The following FRMD4A variants were observed in gnomAD, a reference collection of about 807,000 sequenced individuals.
FRMD4A encodes FERM domain-containing protein 4A.
Under a neutral mutation model 129.1 loss-of-function variants are expected in FRMD4A, and 29 were observed. The observed-to-expected ratio is 0.22, with a 90% CI of 0.17 to 0.31. The LOEUF is 0.31. Ranked by LOEUF, FRMD4A falls within the 10% of genes least tolerant of loss-of-function variation. FRMD4A has a pLI of 1.00. For missense variants in FRMD4A, 1,272 were observed against 1,375.8 expected, an observed-to-expected ratio of 0.92 and a Z score of 1.19; for synonymous variants, 634 against 571.6, an observed-to-expected ratio of 1.11 and a Z score of -1.56.
intron 2 of FRMD4A, among the ~76,000 whole-genome samples, chr10:14,314,949 G>T (rs1564459139): frequency 6.7e-6 from 1 of 149,924 alleles, no homozygotes; most frequent in African/African-American, 2.4e-5. Context: ...CTTATATATA[G>T]TTTTTTTTTT....
chr10:14,020,034 C>A (rs1832667075), intron 2 of FRMD4A, among the ~76,000 whole-genome samples: 1 of 152,116 alleles, frequency 6.6e-6, no homozygotes, highest in Non-Finnish European at 1.5e-5. Context: ...TGCAGACAGA[C>A]AAAACGAAAC....
intron 3 of FRMD4A, among the ~76,000 whole-genome samples, chr10:13,854,400 C>G (rs2094184672): frequency 6.6e-6 from 1 of 152,058 alleles, no homozygotes; most frequent in Admixed American, 6.6e-5. Context: ...GGTGGCTCCT[C>G]TCATTTTGAT....
intron 23 of FRMD4A, 62 bp from the exon 24 acceptor site, chr10:13,652,036 A>G (rs1400730278): frequency 2.3e-6 from 2 of 856,834 alleles, no homozygotes; most frequent in Non-Finnish European, 4.1e-6. Context: ...AGACACTGAC[A>G]CAGACACAGA....
chr10:14,244,438 A>T (rs1844161432), intron 2 of FRMD4A, among the ~76,000 whole-genome samples: 1 of 152,236 alleles, frequency 6.6e-6, no homozygotes, highest in Admixed American at 6.5e-5. Flanking sequence ...CCAGCAATCT[A>T]TGCGGATTAC....
chr10:13,915,882 T>C (rs1439085074), intron 2 of FRMD4A, among the ~76,000 whole-genome samples: 1 of 151,810 alleles, frequency 6.6e-6, no homozygotes, highest in Non-Finnish European at 1.5e-5. Context: ...ACCTCTGAGG[T>C]CCCTTCTGGC....
chr10:13,785,607 A>C (rs2092834521), intron 5 of FRMD4A, among the ~76,000 whole-genome samples: 1 of 152,002 alleles, frequency 6.6e-6, no homozygotes, highest in African/African-American at 2.4e-5. Flanking sequence ...TATTTTTATA[A>C]TTTCTTTTTA....
At chr10:14,280,982 A>ATT (rs772555677) in intron 2 of FRMD4A, among the ~76,000 whole-genome samples, 9,602 of 76,554 alleles carry the variant, frequency 0.13, 2,308 homozygotes, top group African/African-American at 0.34. Context: ...ACTGGTTTCA[A>ATT]TTTTTTTTTT....
intron 12 of FRMD4A, among the ~76,000 whole-genome samples, chr10:13,720,088 G>A (rs774269669): frequency 7.9e-5 from 12 of 152,022 alleles, no homozygotes; most frequent in African/African-American, 1.7e-4. Context: ...TTGCTGTGTC[G>A]CCCAGGCTGT....
intron 15 of FRMD4A, among the ~76,000 whole-genome samples, chr10:13,687,797 C>T (rs554934818): frequency 1.3e-5 from 2 of 152,300 alleles, no homozygotes; most frequent in East Asian, 3.9e-4. Flanking sequence ...GCACTGAGCA[C>T]CTGCACAAAT....
intron 24 of FRMD4A, among the ~76,000 whole-genome samples, chr10:13,649,797 G>A (rs965453748): frequency 3.3e-5 from 5 of 152,180 alleles, no homozygotes; most frequent in African/African-American, 9.7e-5. Flanking sequence ...CATGTGCTAC[G>A]AAAGAGACCC....
At chr10:14,145,399 T>C (rs752790062) in intron 2 of FRMD4A, among the ~76,000 whole-genome samples, 6 of 152,196 alleles carry the variant, frequency 3.9e-5, no homozygotes, top group Non-Finnish European at 8.8e-5. Context: ...AGACTCAGTG[T>C]CTCAGAACCA....
intron 20 of FRMD4A, among the ~76,000 whole-genome samples, chr10:13,659,904 G>A (rs1043460122): frequency 1.3e-5 from 2 of 152,140 alleles, no homozygotes; most frequent in Non-Finnish European, 2.9e-5. Context: ...CCGGTAATGA[G>A]CTGATAATAC....
chr10:14,012,136 T>A (rs945944851), intron 2 of FRMD4A, among the ~76,000 whole-genome samples: 1 of 150,410 alleles, frequency 6.6e-6, no homozygotes, highest in Admixed American at 6.6e-5. Flanking sequence ...AATGGCCTAA[T>A]GGCTGCTGGA....
At chr10:14,103,497 C>A (rs980822697) in intron 2 of FRMD4A, among the ~76,000 whole-genome samples, 1 of 152,112 alleles carries the variant, frequency 6.6e-6, no homozygotes, top group Non-Finnish European at 1.5e-5. Flanking sequence ...CTGTTGACTA[C>A]AGAACTTCCA....
intron 2 of FRMD4A, among the ~76,000 whole-genome samples, chr10:14,178,975 G>T (rs1055896552): frequency 2.6e-5 from 4 of 152,110 alleles, no homozygotes; most frequent in Admixed American, 6.5e-5. Context: ...CTTGCCCTTT[G>T]AGCCACCCTT....
At chr10:13,975,261 ATGTGTC>A (rs1201110322) in intron 2 of FRMD4A, among the ~76,000 whole-genome samples, 2 of 141,624 alleles carry the variant, frequency 1.4e-5, no homozygotes, top group Non-Finnish European at 3.1e-5. Context: ...GCCTCTATGT[ATGTGTC>A]TGTGTCTGTG....
chr10:14,304,969 C>T (rs557335893), intron 2 of FRMD4A, among the ~76,000 whole-genome samples: 1 of 152,280 alleles, frequency 6.6e-6, no homozygotes, highest in African/African-American at 2.4e-5. Context: ...ATAAAGCTTC[C>T]CTTTTTTGTT....
intron 2 of FRMD4A, among the ~76,000 whole-genome samples, chr10:14,082,353 T>C (rs1239610581): frequency 1.3e-5 from 2 of 152,220 alleles, no homozygotes; most frequent in Non-Finnish European, 1.5e-5. Context: ...TAATTTCAGA[T>C]AGAACTACTA....
chr10:13,940,752 G>A (rs1438904128), intron 2 of FRMD4A, among the ~76,000 whole-genome samples: 1 of 152,198 alleles, frequency 6.6e-6, no homozygotes, highest in Non-Finnish European at 1.5e-5. Context: ...CATCTTGATA[G>A]AGCTTCCATT....
Sources: allele counts gnomAD v4.1 joint callset (sites outside exome capture counted in the v4.1 genomes callset), GRCh38; gene constraint gnomAD v4.1.1; transcripts MANE v1.5; gene names NCBI Gene and HGNC (gene_info 2026-07-23, HGNC 2026-07-21).